The following ZDHHC14 variants were observed in gnomAD, a reference collection of about 807,000 sequenced individuals.
The protein encoded by ZDHHC14 is palmitoyltransferase ZDHHC14.
In ZDHHC14, 16 loss-of-function variants were observed where a neutral mutation model predicts 47.7. The ratio of observed to expected loss-of-function variants is 0.34; its 90% CI spans 0.23 to 0.51. The LOEUF is 0.51. Ranked by LOEUF, ZDHHC14 falls within the 20% of genes least tolerant of loss-of-function variation. The pLI is 0.97. For missense variants in ZDHHC14, 515 were observed against 662.5 expected (o/e 0.78, Z 2.44); for synonymous variants, 293 against 278.9 (o/e 1.05, Z -0.50).
intron 1 of ZDHHC14, among the ~76,000 whole-genome samples, chr6:157,459,237 G>A (rs777318552): frequency 5.3e-5 from 8 of 152,262 alleles, no homozygotes; most frequent in Non-Finnish European, 7.3e-5. Flanking sequence ...AATTGTTGAC[G>A]TTCATCATAA....
At chr6:157,653,678 G>T in intron 8 of ZDHHC14, 51 bp downstream of exon 8, 1 of 1,572,918 alleles carries the variant, frequency 6.4e-7, no homozygotes. Context: ...TTGCTTGTGT[G>T]CTCACTAACA....
intron 8 of ZDHHC14, among the ~76,000 whole-genome samples, chr6:157,671,123 A>G (rs1562540637): frequency 6.6e-6 from 1 of 152,206 alleles, no homozygotes; most frequent in African/African-American, 2.4e-5. Context: ...CACCTAAATC[A>G]CAAAGCCATT....
At chr6:157,424,758 C>G (rs1377312109) in intron 1 of ZDHHC14, among the ~76,000 whole-genome samples, 2 of 152,120 alleles carry the variant, frequency 1.3e-5, no homozygotes, top group Non-Finnish European at 2.9e-5. Context: ...ACTTCTCTTT[C>G]TCACCTCCCC....
intron 1 of ZDHHC14, among the ~76,000 whole-genome samples, chr6:157,443,062 A>G (rs2114794030): frequency 6.6e-6 from 1 of 152,020 alleles, no homozygotes; most frequent in East Asian, 1.9e-4. Context: ...TGTAAACCCC[A>G]TATGTTGGGG....
At position 157,502,769 on chromosome 6, in the gene ZDHHC14, C is replaced by A. The variant is rs899532596; in HGVS notation, c.246-39816C>A. Among the ~76,000 whole-genome samples, 2 of 152,210 alleles carry A rather than the reference C, an allele frequency of 1.3e-5. No homozygotes were observed. The highest frequency in any genetic ancestry group is 4.8e-5 in the African/African-American group (2 of 41,444). On this transcript the variant is annotated intron_variant, in intron 1 of 8. Coordinates refer to ENST00000359775, the MANE Select transcript of ZDHHC14 (RefSeq NM_024630.3). The surrounding 1 kb of genome is among the most constrained non-coding windows in gnomAD (Gnocchi z 4.0). ...GCAGTGGCATGATCTTGGCTCACTGCAACCTCCGCCTCCCAGGTTCAAGCG... is the reference window on the plus strand; with the variant it reads ...GCAGTGGCATGATCTTGGCTCACTGAAACCTCCGCCTCCCAGGTTCAAGCG...
chr6:157,552,264 G>A (rs1249062638), intron 2 of ZDHHC14, among the ~76,000 whole-genome samples: 1 of 152,112 alleles, frequency 6.6e-6, no homozygotes, highest in Non-Finnish European at 1.5e-5. Context: ...TTGAGTGAGT[G>A]AGGGAGTGAG....
At chr6:157,484,400 A>G (rs984108824) in intron 1 of ZDHHC14, among the ~76,000 whole-genome samples, 10 of 145,930 alleles carry the variant, frequency 6.9e-5, no homozygotes, top group South Asian at 2.1e-4. Context: ...GTATATATAC[A>G]TATATATGTA....
chr6:157,548,172 C>T (rs1445175564), intron 2 of ZDHHC14, among the ~76,000 whole-genome samples: 1 of 151,848 alleles, frequency 6.6e-6, no homozygotes, highest in African/African-American at 2.4e-5. Flanking sequence ...TGCTTTTTGC[C>T]AGTTTTCTTT....
chr6:157,424,853 C>G (rs1001967799), intron 1 of ZDHHC14, among the ~76,000 whole-genome samples: 1 of 152,076 alleles, frequency 6.6e-6, no homozygotes, highest in African/African-American at 2.4e-5. Context: ...AACCCCACCC[C>G]AGGCCCCAGA....
At chr6:157,495,563 G>T (rs544170731) in intron 1 of ZDHHC14, among the ~76,000 whole-genome samples, 3 of 152,260 alleles carry the variant, frequency 2.0e-5, no homozygotes, top group Non-Finnish European at 2.9e-5. Flanking sequence ...GAAGGAGGTT[G>T]TTGGATGGCC....
chr6:157,555,811 G>A (rs1174256581), intron 2 of ZDHHC14, among the ~76,000 whole-genome samples: 1 of 152,180 alleles, frequency 6.6e-6, no homozygotes, highest in Non-Finnish European at 1.5e-5. Flanking sequence ...CACTAGAATT[G>A]TGCCAAAAAA....
chr6:157,499,386 C>G (rs191859500), intron 1 of ZDHHC14, among the ~76,000 whole-genome samples: 192 of 152,174 alleles, frequency 1.3e-3, no homozygotes, highest in Non-Finnish European at 2.2e-3. Context: ...GCTGAGGGAG[C>G]CAGCCCCAGG....
At chr6:157,416,807 AT>A (rs5881208) in intron 1 of ZDHHC14, among the ~76,000 whole-genome samples, 2,094 of 137,400 alleles carry the variant, frequency 0.015, 47 homozygotes, top group African/African-American at 0.053. Context: ...TTGTTAGCAA[AT>A]TTTTTTTTTT....
intron 5 of ZDHHC14, among the ~76,000 whole-genome samples, chr6:157,640,711 G>A (rs1010268191): frequency 6.6e-6 from 1 of 152,204 alleles, no homozygotes; most frequent in Non-Finnish European, 1.5e-5. Context: ...CTGAGGGAGG[G>A]TCAGGAAGAA....
intron 1 of ZDHHC14, among the ~76,000 whole-genome samples, chr6:157,506,013 A>G (rs1022178879): frequency 6.6e-4 from 100 of 151,950 alleles, no homozygotes; most frequent in African/African-American, 2.4e-3. Flanking sequence ...GTGCTTGGTA[A>G]CTTGCACCTC....
intron 3 of ZDHHC14, among the ~76,000 whole-genome samples, chr6:157,612,217 G>A (rs1036385276): frequency 6.6e-6 from 1 of 152,030 alleles, no homozygotes; most frequent in Non-Finnish European, 1.5e-5. Context: ...GCACTGCCTC[G>A]GCCAGCTGCA....
chr6:157,486,320 G>A (rs1779777994), intron 1 of ZDHHC14, among the ~76,000 whole-genome samples: 1 of 152,154 alleles, frequency 6.6e-6, no homozygotes, highest in Non-Finnish European at 1.5e-5. Flanking sequence ...TTTCAATTCC[G>A]TTAAACTTGC....
At chr6:157,449,269 C>A (rs1583654655) in intron 1 of ZDHHC14, among the ~76,000 whole-genome samples, 1 of 152,212 alleles carries the variant, frequency 6.6e-6, no homozygotes, top group South Asian at 2.1e-4. Flanking sequence ...AGTTTCCCAC[C>A]AAACATAGGT....
In ZDHHC14 at chr6:157,405,294, G is replaced by A. The variant is rs371481394; in HGVS notation, c.245+23028G>A. Among the ~76,000 whole-genome samples the A allele has an allele frequency of 1.2e-4, 19 of 152,234 alleles. 1 individual carries two copies. In the East Asian group the frequency reaches 1.7e-3, roughly 14 times the overall value. On this transcript the variant is annotated intron_variant, in intron 1 of 8. Coordinates refer to ENST00000359775, the MANE Select transcript of ZDHHC14 (RefSeq NM_024630.3). ...CTCGCCCAGGCTGGAATGCAGTGGCGCGATCTCGGTTCACTGCAAGCTCCG... is the reference window on the plus strand; with the variant it reads ...CTCGCCCAGGCTGGAATGCAGTGGCACGATCTCGGTTCACTGCAAGCTCCG...
Sources: gnomAD v4.1 joint callset for allele counts (sites outside exome capture counted in the v4.1 genomes callset) on GRCh38, gnomAD v4.1.1 for gene constraint, Gnocchi (gnomAD v3.1) non-coding constraint, MANE v1.5 for transcripts, NCBI Gene and HGNC (gene_info 2026-07-23, HGNC 2026-07-21) for gene names.